RGS7: variants seen among roughly 807,000 people sequenced by gnomAD.
The protein encoded by RGS7 is regulator of G protein signaling 7.
In RGS7, 27 loss-of-function variants were observed where a neutral mutation model predicts 81.1. The observed-to-expected ratio is 0.33, with a 90% confidence interval of 0.25 to 0.46. The LOEUF is 0.46. Ranked by LOEUF, RGS7 falls within the 20% of genes least tolerant of loss-of-function variation. RGS7 has a pLI of 1.00. For missense variants in RGS7, 396 were observed against 607.4 expected (o/e 0.65, Z 3.66); for synonymous variants, 208 against 207.7 (o/e 1.00, Z -0.01).
intron 2 of RGS7, among the ~76,000 whole-genome samples, chr1:241,340,829 A>G (rs576962640): frequency 2.7e-4 from 41 of 152,216 alleles, no homozygotes; most frequent in Non-Finnish European, 5.3e-4. Flanking sequence ...GAGAAGTAAG[A>G]AAGTAAAGGA....
chr1:240,904,741 C>A (rs1157929601), intron 6 of RGS7, among the ~76,000 whole-genome samples: 1 of 152,128 alleles, frequency 6.6e-6, no homozygotes, highest in East Asian at 1.9e-4. Flanking sequence ...ATTAGCCAAT[C>A]AAGCTGGATG....
chr1:241,333,766 C>A (rs200717111), intron 2 of RGS7, among the ~76,000 whole-genome samples: 16 of 152,026 alleles, frequency 1.1e-4, no homozygotes, highest in Non-Finnish European at 2.2e-4. Flanking sequence ...ATAATATACT[C>A]TATTAGCAAG....
At chr1:240,947,315 C>T (rs925625310) in intron 4 of RGS7, among the ~76,000 whole-genome samples, 1 of 152,184 alleles carries the variant, frequency 6.6e-6, no homozygotes, top group African/African-American at 2.4e-5. Flanking sequence ...ACTGGCTTCT[C>T]TCCTAAATTC....
intron 6 of RGS7, among the ~76,000 whole-genome samples, chr1:240,928,658 G>C (rs889551922): frequency 7.0e-6 from 1 of 141,848 alleles, no homozygotes; most frequent in African/African-American, 2.7e-5. Flanking sequence ...ATCCAGGCTA[G>C]AGTGCAGTAG....
chr1:241,052,086 A>G (rs998466487), intron 3 of RGS7, among the ~76,000 whole-genome samples: 2 of 152,178 alleles, frequency 1.3e-5, no homozygotes. Flanking sequence ...ACATGACCAC[A>G]GCTTGTTCAA....
chr1:241,157,436 T>TC (rs2069251815), intron 2 of RGS7, among the ~76,000 whole-genome samples: 1 of 152,226 alleles, frequency 6.6e-6, no homozygotes, highest in Non-Finnish European at 1.5e-5. Context: ...GTTCCTTGGT[T>TC]CGCTCCCTGT....
intron 2 of RGS7, among the ~76,000 whole-genome samples, chr1:241,180,059 T>A (rs1242433595): frequency 2.0e-5 from 3 of 152,056 alleles, no homozygotes; most frequent in Non-Finnish European, 4.4e-5. Context: ...TGGATATGAA[T>A]CTTCAGTGGA....
At chr1:241,291,602 G>C (rs1428767586) in intron 2 of RGS7, among the ~76,000 whole-genome samples, 1 of 55,874 alleles carries the variant, frequency 1.8e-5, no homozygotes, top group African/African-American at 7.0e-5. Context: ...TTTTGAGATG[G>C]AGTTTTGCTC....
intron 3 of RGS7, among the ~76,000 whole-genome samples, chr1:241,054,561 C>A (rs2061394823): frequency 6.6e-6 from 1 of 152,216 alleles, no homozygotes; most frequent in African/African-American, 2.4e-5. Context: ...CAACCACTTA[C>A]TTGACAACTC....
At chr1:241,337,899 G>A (rs905254879) in intron 2 of RGS7, among the ~76,000 whole-genome samples, 8 of 152,116 alleles carry the variant, frequency 5.3e-5, no homozygotes, top group Non-Finnish European at 1.2e-4. Flanking sequence ...TTATAATTGT[G>A]CTAGTATTTT....
intron 3 of RGS7, among the ~76,000 whole-genome samples, chr1:241,013,716 A>G (rs1042819692): frequency 4.6e-5 from 7 of 152,222 alleles, no homozygotes; most frequent in African/African-American, 1.7e-4. Context: ...CCACTCAGGC[A>G]AAGCAAAAAG....
intron 4 of RGS7, among the ~76,000 whole-genome samples, chr1:240,967,510 T>G (rs1175714642): frequency 7.0e-6 from 1 of 142,878 alleles, no homozygotes; most frequent in Non-Finnish European, 1.5e-5. Flanking sequence ...ACAGGCTGCG[T>G]AATACCCCGG....
At chr1:241,107,927 A>G (rs9428863) in intron 2 of RGS7, among the ~76,000 whole-genome samples, 66,403 of 151,944 alleles carry the variant, frequency 0.44, 19,370 homozygotes, top group African/African-American at 0.84. Context: ...TACATGGATA[A>G]AGTTATATAG....
At chr1:241,071,694 T>C (rs924727461) in intron 3 of RGS7, among the ~76,000 whole-genome samples, 6 of 151,094 alleles carry the variant, frequency 4.0e-5, no homozygotes, top group African/African-American at 1.5e-4. Context: ...AGGTATAATT[T>C]TACTATCTCT....
At chr1:241,032,539 T>C (rs1396574831) in intron 3 of RGS7, among the ~76,000 whole-genome samples, 1 of 152,190 alleles carries the variant, frequency 6.6e-6, no homozygotes, top group Non-Finnish European at 1.5e-5. Flanking sequence ...TTGATAGGAA[T>C]TGCATTGAAT....
chr1:241,165,639 G>T (rs2070141950), intron 2 of RGS7, among the ~76,000 whole-genome samples: 1 of 143,940 alleles, frequency 6.9e-6, no homozygotes, highest in South Asian at 2.4e-4. Context: ...GTGGGGTAGG[G>T]GGAGGGGGGA....
chr1:240,873,311 A>T (rs141195827), intron 6 of RGS7, among the ~76,000 whole-genome samples: 393 of 152,254 alleles, frequency 2.6e-3, no homozygotes, highest in African/African-American at 8.8e-3. Flanking sequence ...TATTTAAAAT[A>T]TTTTCTATTA....
At chr1:241,302,346 G>A (rs750219048) in intron 2 of RGS7, among the ~76,000 whole-genome samples, 4 of 152,148 alleles carry the variant, frequency 2.6e-5, no homozygotes, top group South Asian at 4.1e-4. Flanking sequence ...TCAGGAGATC[G>A]AGACCATCCT....
chr1:240,777,214 G>A (rs141900443), intron 18 of RGS7, among the ~76,000 whole-genome samples: 6,177 of 152,122 alleles, frequency 0.041, 127 homozygotes, highest in East Asian at 0.1. Flanking sequence ...CCCAGGACGC[G>A]GAGGTTGCAG....
Sources: allele counts gnomAD v4.1 joint callset (sites outside exome capture counted in the v4.1 genomes callset), GRCh38; gene constraint gnomAD v4.1.1; transcripts MANE v1.5; gene names NCBI Gene and HGNC (gene_info 2026-07-23, HGNC 2026-07-21).